Variants in PRELID2 observed in about 807,000 individuals in gnomAD.
PRELID2 encodes the protein PRELI domain containing 2.
A neutral mutation model predicts 28.4 loss-of-function variants in PRELID2; 25 were observed. That is an observed-to-expected ratio of 0.88 (90% CI 0.64 to 1.23). The LOEUF (loss-of-function observed/expected upper bound fraction) is 1.23, where lower values mean the gene tolerates loss of function less well. PRELID2 is among the 50% of genes most tolerant of loss of function. PRELID2 has a pLI of 0.00. For missense variants in PRELID2, 201 were observed against 214.4 expected, an observed-to-expected ratio of 0.94 and a Z score of 0.39; for synonymous variants, 76 against 71.6, an observed-to-expected ratio of 1.06 and a Z score of -0.31.
At position 145,817,198 on chromosome 5, in the gene PRELID2, A is replaced by AAAATATATAT. The variant is rs1365517052; in HGVS notation, c.368+695_368+696insATATATATTT. Reference sequence around the variant, plus strand: ...AGAGCAAGACTGCATTTCAAAAAAAAATAAATAAATAAATAAAAAAAAATA... The same window carrying AAAATATATAT: ...AGAGCAAGACTGCATTTCAAAAAAAAAAATATATATATAAATAAATAAATAAAAAAAAATA... On this transcript the variant is annotated intron_variant, in intron 4 of 6. Coordinates refer to ENST00000683046, the MANE Select transcript of PRELID2 (RefSeq NM_205846.3). Among the ~76,000 whole-genome samples the AAAATATATAT allele has an allele frequency of 9.8e-3, 677 of 69,344 alleles. 25 individuals carry two copies. The highest frequency in any genetic ancestry group is 0.017 in the Non-Finnish European group (510 of 30,070). 45.5% of individuals were successfully genotyped at this position (69,344 alleles called of 152,430 possible). A position where few individuals can be genotyped will look rare whatever the true frequency, so the allele number is the denominator to read the frequency against.
chr5:145,614,358 T>C lies in PRELID2; in HGVS notation n.71-141043A>G, dbSNP rs1404730084. Among the ~76,000 whole-genome samples, 3 of 152,140 alleles carry C rather than the reference T, an allele frequency of 2.0e-5. No individual in the cohort carries two copies. In the East Asian group the frequency reaches 5.8e-4, roughly 29 times the overall value. On this transcript the variant is annotated intron_variant and non_coding_transcript_variant, in intron 1 of 2. Transcript: ENST00000510259. The stretch of plus-strand genomic sequence containing the variant: ...TTGTGTTTTCTAATTCTATGAAGAG[T>C]GATGGTGGTATTTTGATGGGGATTG...
chr5:145,407,814 C>T, the PRELID2 span, among the ~76,000 whole-genome samples: 2 of 152,136 alleles, frequency 1.3e-5, no homozygotes, highest in Non-Finnish European at 2.9e-5. Flanking sequence ...GTCAACATGA[C>T]AACTTCACTG....
chr5:145,750,670 G>T (rs978094574), intron 1 of PRELID2, among the ~76,000 whole-genome samples: 3 of 152,182 alleles, frequency 2.0e-5, no homozygotes, highest in African/African-American at 7.2e-5. Flanking sequence ...AGAAATATGT[G>T]CATTTTGTAC....
intron 1 of PRELID2, among the ~76,000 whole-genome samples, chr5:145,560,344 A>G (rs945733358): frequency 1.1e-4 from 16 of 152,244 alleles, no homozygotes; most frequent in Non-Finnish European, 2.1e-4. Context: ...TAGTTTCATT[A>G]TTATATCCTC....
chr5:145,741,460 TTA>T lies in PRELID2; in HGVS notation n.70+23469_70+23470del, dbSNP rs1235387150. ...CAAAATTTATTTATAAATAATTTATTTATATATAAACAAAATTTATTTATAAA... is the reference window on the plus strand; with the variant it reads ...CAAAATTTATTTATAAATAATTTATTTATATAAACAAAATTTATTTATAAA... On this transcript the variant is annotated intron_variant and non_coding_transcript_variant, in intron 1 of 2. Coordinates refer to the PRELID2 transcript ENST00000510259. Among the ~76,000 whole-genome samples, 278 of 45,802 alleles carry T rather than the reference TTA, an allele frequency of 6.1e-3. 8 individuals carry two copies. The highest frequency in any genetic ancestry group is 0.019 in the African/African-American group (271 of 14,018). 30.0% of individuals were successfully genotyped at this position (45,802 alleles called of 152,430 possible).
the PRELID2 span, among the ~76,000 whole-genome samples, chr5:145,445,889 G>C: frequency 2.6e-5 from 4 of 151,854 alleles, no homozygotes; most frequent in African/African-American, 9.7e-5. Flanking sequence ...TATGGAGAAG[G>C]GGAACTCTTC....
At chr5:145,515,081 A>T (rs1752504532) in intron 1 of PRELID2, among the ~76,000 whole-genome samples, 1 of 152,200 alleles carries the variant, frequency 6.6e-6, no homozygotes, top group Non-Finnish European at 1.5e-5. Context: ...ACACTCTAAC[A>T]TCAAAATTAA....
At chr5:145,686,779 AC>A (rs1420691018) in intron 1 of PRELID2, among the ~76,000 whole-genome samples, 9 of 152,148 alleles carry the variant, frequency 5.9e-5, no homozygotes, top group African/African-American at 2.2e-4. Context: ...AAAGTACCCA[AC>A]ATCTGGGTAA....
the PRELID2 span, among the ~76,000 whole-genome samples, chr5:145,297,340 C>G: frequency 6.6e-6 from 1 of 151,996 alleles, no homozygotes; most frequent in Admixed American, 6.6e-5. Context: ...TGTAATCCAG[C>G]ATATAAACAG....
chr5:145,233,246 T>C, the PRELID2 span, among the ~76,000 whole-genome samples: 3 of 152,104 alleles, frequency 2.0e-5, no homozygotes, highest in African/African-American at 7.2e-5. Flanking sequence ...CTATTTCCAC[T>C]AAAATGAAGA....
chr5:145,364,546 C>CA, the PRELID2 span, among the ~76,000 whole-genome samples: 1 of 151,888 alleles, frequency 6.6e-6, no homozygotes, highest in Non-Finnish European at 1.5e-5. Context: ...AAAAGAGTGT[C>CA]AAATACACAG....
intron 1 of PRELID2, among the ~76,000 whole-genome samples, chr5:145,523,837 A>G (rs574953634): frequency 2.2e-3 from 330 of 152,304 alleles, no homozygotes; most frequent in Non-Finnish European, 3.7e-3. Context: ...GGCATATGAT[A>G]AATTACTTTA....
chr5:145,670,163 A>T (rs1055846244), intron 1 of PRELID2, among the ~76,000 whole-genome samples: 20 of 152,146 alleles, frequency 1.3e-4, no homozygotes, highest in African/African-American at 4.8e-4. Context: ...GAAACATGGC[A>T]TTAGCATCTG....
the PRELID2 span, among the ~76,000 whole-genome samples, chr5:145,263,136 T>C: frequency 3.3e-5 from 5 of 152,064 alleles, no homozygotes; most frequent in African/African-American, 1.2e-4. Flanking sequence ...AGGAAAATAT[T>C]ACAATCCAAA....
intron 1 of PRELID2, among the ~76,000 whole-genome samples, chr5:145,588,278 A>T (rs1753180376): frequency 6.6e-6 from 1 of 152,134 alleles, no homozygotes; most frequent in African/African-American, 2.4e-5. Flanking sequence ...AAGCTTAGAG[A>T]CTGGAAACCA....
chr5:145,236,119 T>C, the PRELID2 span, among the ~76,000 whole-genome samples: 1 of 152,162 alleles, frequency 6.6e-6, no homozygotes, highest in Non-Finnish European at 1.5e-5. Context: ...TTACCAACTA[T>C]GGTGCATAAA....
the PRELID2 span, among the ~76,000 whole-genome samples, chr5:145,303,964 C>T: frequency 6.6e-6 from 1 of 152,216 alleles, no homozygotes. Flanking sequence ...ATGATAGAAT[C>T]GGTGAAAATG....
the PRELID2 span, among the ~76,000 whole-genome samples, chr5:145,374,979 T>C: frequency 1.3e-5 from 2 of 152,160 alleles, no homozygotes; most frequent in Non-Finnish European, 2.9e-5. Flanking sequence ...CAACCCTTCT[T>C]CGTTCAATTC....
At chr5:145,488,397 T>C (rs78786231) in intron 1 of PRELID2, among the ~76,000 whole-genome samples, 1,653 of 152,284 alleles carry the variant, frequency 0.011, 14 homozygotes, top group Non-Finnish European at 0.018. Context: ...TCCGTGGAAT[T>C]TGAGGGCCAC....
Sources: gnomAD v4.1 joint callset for allele counts (sites outside exome capture counted in the v4.1 genomes callset) on GRCh38, gnomAD v4.1.1 for gene constraint, MANE v1.5 for transcripts, NCBI Gene and HGNC (gene_info 2026-07-23, HGNC 2026-07-21) for gene names.